Variants in RABGAP1L observed in about 807,000 individuals in gnomAD.
The protein encoded by RABGAP1L is RAB GTPase activating protein 1 like, also known as rab GTPase-activating protein 1-like.
In RABGAP1L, 63 loss-of-function variants were observed where a neutral mutation model predicts 137.7. The ratio of observed to expected loss-of-function variants is 0.46; its 90% CI spans 0.37 to 0.56. The LOEUF (loss-of-function observed/expected upper bound fraction) is 0.56, where lower values mean the gene tolerates loss of function less well. Ranked by LOEUF, RABGAP1L falls within the 20% of genes least tolerant of loss-of-function variation. The pLI, the probability that RABGAP1L is intolerant of heterozygous loss-of-function variation, is 0.00. For synonymous variants in RABGAP1L, 431 were observed against 433.7 expected (o/e 0.99, Z 0.08); for missense variants, 1,095 against 1,244.0 (o/e 0.88, Z 1.80).
intron 13 of RABGAP1L, chr1:174,548,156 A>G (rs1005129974): frequency 1.1e-5 from 16 of 1,479,000 alleles, no homozygotes; most frequent in Non-Finnish European, 1.4e-5. Flanking sequence ...TTGATGTTAC[A>G]TATGTTCATT....
intron 13 of RABGAP1L, among the ~76,000 whole-genome samples, chr1:174,399,081 G>A (rs952221872): frequency 6.6e-6 from 1 of 152,046 alleles, no homozygotes; most frequent in Admixed American, 6.6e-5. Context: ...GAAATGTGTG[G>A]CTCTAATCAT....
intron 1 of RABGAP1L, among the ~76,000 whole-genome samples, chr1:174,187,274 G>T (rs924658718): frequency 6.6e-6 from 1 of 151,488 alleles, no homozygotes; most frequent in East Asian, 1.9e-4. Flanking sequence ...CCTGCCAAAT[G>T]TGGCAGGTAG....
At chr1:174,723,301 C>T (rs1009856005) in intron 17 of RABGAP1L, among the ~76,000 whole-genome samples, 1 of 152,168 alleles carries the variant, frequency 6.6e-6, no homozygotes, top group Admixed American at 6.5e-5. Context: ...TCTCGAACTC[C>T]TGACTTCAGG....
At chr1:174,713,352 T>G (rs1048367791) in intron 17 of RABGAP1L, among the ~76,000 whole-genome samples, 1 of 152,186 alleles carries the variant, frequency 6.6e-6, no homozygotes, top group Non-Finnish European at 1.5e-5. Context: ...ATTATTGCAG[T>G]CTGATATGGT....
At chr1:174,461,684 T>C (rs1330616036) in intron 13 of RABGAP1L, among the ~76,000 whole-genome samples, 1 of 152,216 alleles carries the variant, frequency 6.6e-6, no homozygotes, top group Non-Finnish European at 1.5e-5. Context: ...ATGGTTGGAC[T>C]GAAGATTACT....
chr1:174,646,496 G>A (rs1353365475), intron 14 of RABGAP1L, among the ~76,000 whole-genome samples: 2 of 152,032 alleles, frequency 1.3e-5, no homozygotes, highest in African/African-American at 4.8e-5. Context: ...GTTTTTGTCA[G>A]GTTTGTCAAA....
chr1:174,678,893 A>G (rs1433206015), intron 14 of RABGAP1L, among the ~76,000 whole-genome samples: 2 of 152,344 alleles, frequency 1.3e-5, no homozygotes, highest in East Asian at 3.9e-4. Context: ...CACCTGCCCT[A>G]TCCGGAGGGA....
At chr1:174,780,099 TAAA>T (rs762961653) in intron 18 of RABGAP1L, among the ~76,000 whole-genome samples, 16,136 of 150,636 alleles carry the variant, frequency 0.11, 1,137 homozygotes, top group Non-Finnish European at 0.15. Context: ...AATAAATAAA[TAAA>T]TAAATAAATA....
intron 11 of RABGAP1L, among the ~76,000 whole-genome samples, chr1:174,351,688 T>G (rs1683203793): frequency 1.3e-5 from 2 of 152,240 alleles, no homozygotes; most frequent in South Asian, 4.1e-4. Context: ...TTAGACAACC[T>G]TAAGGTTGTC....
At chr1:174,342,483 T>C (rs1245658665) in intron 11 of RABGAP1L, among the ~76,000 whole-genome samples, 1 of 152,224 alleles carries the variant, frequency 6.6e-6, no homozygotes, top group East Asian at 1.9e-4. Context: ...ATCTTTGAGA[T>C]ATTTAAATAA....
chr1:174,293,361 A>T (rs891002521), intron 10 of RABGAP1L, among the ~76,000 whole-genome samples: 2 of 152,166 alleles, frequency 1.3e-5, no homozygotes. Flanking sequence ...ATCCTGATCC[A>T]TGAAGAGCAC....
intron 13 of RABGAP1L, among the ~76,000 whole-genome samples, chr1:174,415,867 C>T (rs987274136): frequency 6.6e-6 from 1 of 151,762 alleles, no homozygotes; most frequent in Non-Finnish European, 1.5e-5. Flanking sequence ...GGTATGTTCA[C>T]ATAATTTTTG....
At chr1:174,307,807 G>T (rs931263799) in intron 11 of RABGAP1L, among the ~76,000 whole-genome samples, 3 of 152,072 alleles carry the variant, frequency 2.0e-5, no homozygotes, top group Non-Finnish European at 4.4e-5. Context: ...TTGACATACT[G>T]GTTCATTTCC....
chr1:174,827,059 G>T (rs371156808), intron 19 of RABGAP1L, among the ~76,000 whole-genome samples: 13 of 152,120 alleles, frequency 8.5e-5, no homozygotes, highest in African/African-American at 3.1e-4. Flanking sequence ...GTTTCCACAT[G>T]GGATGGTCAC....
intron 19 of RABGAP1L, among the ~76,000 whole-genome samples, chr1:174,872,671 G>A (rs1331338144): frequency 1.3e-5 from 2 of 151,494 alleles, no homozygotes; most frequent in Non-Finnish European, 2.9e-5. Context: ...CCCGCAAATA[G>A]CTGAGACTAC....
chr1:174,836,566 G>A (rs980384125), intron 19 of RABGAP1L, among the ~76,000 whole-genome samples: 2 of 152,186 alleles, frequency 1.3e-5, no homozygotes, highest in Non-Finnish European at 2.9e-5. Context: ...ACATCTGATA[G>A]TAGATTTCAT....
chr1:174,582,539 G>T (rs1410556467), intron 13 of RABGAP1L, among the ~76,000 whole-genome samples: 1 of 152,118 alleles, frequency 6.6e-6, no homozygotes, highest in Non-Finnish European at 1.5e-5. Context: ...CCTGGAGTTT[G>T]AGGCTAGTCT....
intron 17 of RABGAP1L, among the ~76,000 whole-genome samples, chr1:174,738,663 TAACTA>T (rs1157112663): frequency 6.6e-6 from 1 of 152,214 alleles, no homozygotes; most frequent in Non-Finnish European, 1.5e-5. Flanking sequence ...TTGAGACACT[TAACTA>T]AGCTAGTTGG....
At chr1:174,641,363 C>T (rs1349261821) in intron 14 of RABGAP1L, among the ~76,000 whole-genome samples, 2 of 151,974 alleles carry the variant, frequency 1.3e-5, no homozygotes, top group Non-Finnish European at 2.9e-5. Flanking sequence ...AGGAGGAAAT[C>T]GAAATGATTC....
Sources: gnomAD v4.1 joint callset for allele counts (sites outside exome capture counted in the v4.1 genomes callset) on GRCh38, gnomAD v4.1.1 for gene constraint, MANE v1.5 for transcripts, NCBI Gene and HGNC (gene_info 2026-07-23, HGNC 2026-07-21) for gene names.